The following GFRA2 variants were observed in gnomAD, a reference collection of about 807,000 sequenced individuals.
GFRA2 encodes the protein GDNF family receptor alpha-2.
A neutral mutation model predicts 48.3 loss-of-function variants in GFRA2; 17 were observed. The observed-to-expected ratio is 0.35, with a 90% CI of 0.24 to 0.53. The LOEUF is 0.53. GFRA2 is among the 20% of genes least tolerant of loss of function. GFRA2 has a pLI of 0.93. For synonymous variants in GFRA2, 305 were observed against 257.2 expected (o/e 1.19, Z -1.78); for missense variants, 660 against 637.3 (o/e 1.04, Z -0.38).
In GFRA2 at chr8:21,705,014, A is replaced by C. The variant is rs760303233; in HGVS notation, c.1016T>G (p.Leu339Arg). 1 of 1,610,932 alleles carries C rather than the reference A, an allele frequency of 6.2e-7. No homozygotes were observed. Among genetic ancestry groups the C allele is most frequent in the Admixed American group, 1.7e-5 (1 of 59,792 alleles). Residue 339 changes from leucine (L) to arginine (R), a missense_variant, in exon 6 of 9, where the codon CTC (leucine) becomes CGC (arginine). Physicochemically the swap from Leu to Arg is moderately radical, Grantham distance 102. Transcript: ENST00000524240. ...GNMEEECEKF[L>R]RDFTENPCLR... ...GCATGGGTTCTCGGTGAAGTCCCTG[A>C]GGAACTTCTCACACTCCTCCTCCAT... is the stretch of plus-strand genomic sequence containing the variant.
chr8:21,707,847 T>A (rs2117381014), intron 4 of GFRA2, among the ~76,000 whole-genome samples: 1 of 152,334 alleles, frequency 6.6e-6, no homozygotes, highest in African/African-American at 2.4e-5. Context: ...CATGGTGCAT[T>A]TTCTGTTATG....
At chr8:21,784,619 C>T (rs943348233) in intron 1 of GFRA2, among the ~76,000 whole-genome samples, 1 of 152,138 alleles carries the variant, frequency 6.6e-6, no homozygotes, top group Non-Finnish European at 1.5e-5. Flanking sequence ...GCCAGGAGAC[C>T]CATCCCTAGG....
intron 4 of GFRA2, among the ~76,000 whole-genome samples, chr8:21,739,136 C>T (rs1338323728): frequency 6.6e-6 from 1 of 152,180 alleles, no homozygotes; most frequent in Non-Finnish European, 1.5e-5. Context: ...GAGAATGTGT[C>T]TTGGACCAGG....
rs372062042 is a variant in GFRA2, at chr8:21,797,226, C to G, written c.-36+7791G>C. ...TCTTGTTTGACTCAGGGGCTGCATT[C>G]TACATCACAGATAACGCGGACAATT... is the stretch of plus-strand genomic sequence containing the variant. On this transcript the variant is annotated intron_variant, in intron 2 of 10. Transcript: ENST00000517328. Among the ~76,000 whole-genome samples the G allele has an allele frequency of 9.0e-3, 1,345 of 149,810 alleles. 19 individuals carry two copies. The highest frequency in any genetic ancestry group is 0.057 in the East Asian group (289 of 5,066).
At chr8:21,796,510 A>T (rs1417454476) in intron 2 of GFRA2, among the ~76,000 whole-genome samples, 2 of 152,218 alleles carry the variant, frequency 1.3e-5, no homozygotes, top group Non-Finnish European at 2.9e-5. Context: ...CGACTGCAGG[A>T]CCCAGAGGGC....
rs190742618 is a variant in GFRA2 at position 21,804,465 on chromosome 8, T to G, written c.-36+552A>C. ...AAAAAAAACAAACTGGTGCATTAGATATGCCCTAGGGATGATGCAAAGTTC... is the reference window on the plus strand; with the variant it reads ...AAAAAAAACAAACTGGTGCATTAGAGATGCCCTAGGGATGATGCAAAGTTC... On this transcript the variant is annotated intron_variant, in intron 2 of 10. Coordinates refer to the GFRA2 transcript ENST00000517328. Among the ~76,000 whole-genome samples, 236 of 150,374 alleles carry G rather than the reference T, an allele frequency of 1.6e-3. 1 individual carries two copies. The highest frequency in any genetic ancestry group is 5.4e-3 in the African/African-American group (220 of 41,024).
At chr8:21,701,575 T>C (rs955661699) in intron 7 of GFRA2, among the ~76,000 whole-genome samples, 2 of 152,154 alleles carry the variant, frequency 1.3e-5, no homozygotes, top group African/African-American at 2.4e-5. Context: ...TGACTTAGTC[T>C]GTAGGCCTCC....
intron 4 of GFRA2, among the ~76,000 whole-genome samples, chr8:21,725,794 G>A (rs1803839314): frequency 6.6e-6 from 1 of 152,170 alleles, no homozygotes; most frequent in African/African-American, 2.4e-5. Flanking sequence ...CAAGCCCAAG[G>A]CCCGCCGGTC....
chr8:21,788,045 C>A (rs1282101529), intron 1 of GFRA2, 75 bp downstream of exon 1: 2 of 662,862 alleles, frequency 3.0e-6, no homozygotes, highest in Non-Finnish European at 4.9e-6. Context: ...GCCAGCCCCC[C>A]ACCGGCGCTC....
chr8:21,802,363 C>G (rs940575023), intron 2 of GFRA2, among the ~76,000 whole-genome samples: 1 of 152,108 alleles, frequency 6.6e-6, no homozygotes, highest in East Asian at 1.9e-4. Flanking sequence ...CTTCTTCTTC[C>G]TCTTCTTTTG....
At chr8:21,763,948 G>A in intron 3 of GFRA2, among the ~76,000 whole-genome samples, 1 of 124,496 alleles carries the variant, frequency 8.0e-6, no homozygotes, top group African/African-American at 3.1e-5. Flanking sequence ...AGGTCACTAG[G>A]TAACACACAC....
chr8:21,807,771 T>C (rs889342868), intron 1 of GFRA2, among the ~76,000 whole-genome samples: 5 of 152,210 alleles, frequency 3.3e-5, no homozygotes, highest in Admixed American at 3.3e-4. Context: ...CAAGAAAGGA[T>C]ACTGGGAGTG....
At chr8:21,722,690 G>T (rs1285347959) in intron 4 of GFRA2, among the ~76,000 whole-genome samples, 1 of 152,150 alleles carries the variant, frequency 6.6e-6, no homozygotes, top group Non-Finnish European at 1.5e-5. Flanking sequence ...CACCCTCAGT[G>T]AAAGAGTCCC....
At chr8:21,753,582 G>A (rs1207228066) in intron 3 of GFRA2, among the ~76,000 whole-genome samples, 6 of 151,438 alleles carry the variant, frequency 4.0e-5, no homozygotes, top group Non-Finnish European at 5.9e-5. Context: ...TCACACCATT[G>A]CACACCAGAG....
intron 2 of GFRA2, among the ~76,000 whole-genome samples, chr8:21,778,495 G>A (rs2117723274): frequency 6.6e-6 from 1 of 152,372 alleles, no homozygotes; most frequent in Middle Eastern, 3.4e-3. Context: ...CTGCTGGCCA[G>A]CACAGGGAAC....
At chr8:21,775,365 C>A (rs1806643842) in intron 2 of GFRA2, among the ~76,000 whole-genome samples, 1 of 152,232 alleles carries the variant, frequency 6.6e-6, no homozygotes. Context: ...GAAGGACTTG[C>A]AGGTGCATCT....
chr8:21,747,696 T>C (rs1161027537), intron 4 of GFRA2, among the ~76,000 whole-genome samples: 3 of 151,404 alleles, frequency 2.0e-5, no homozygotes, highest in Non-Finnish European at 4.4e-5. Context: ...AGGTGGTTTG[T>C]ACCCAATGCC....
intron 5 of GFRA2, 147 bp downstream of exon 5, chr8:21,705,785 T>C: frequency 1.6e-6 from 1 of 607,386 alleles, no homozygotes; most frequent in Non-Finnish European, 2.9e-6. Flanking sequence ...TCCCCTGGTT[T>C]CCCCTCGCAG....
intron 4 of GFRA2, among the ~76,000 whole-genome samples, chr8:21,707,788 G>T (rs191990705): frequency 6.6e-6 from 1 of 152,328 alleles, no homozygotes; most frequent in East Asian, 1.9e-4. Flanking sequence ...TGGCAGTGAA[G>T]GTTCCGGAAC....
Sources: gnomAD v4.1 joint callset for allele counts (sites outside exome capture counted in the v4.1 genomes callset) on GRCh38, gnomAD v4.1.1 for gene constraint, MANE v1.5 for transcripts, NCBI Gene and HGNC (gene_info 2026-07-23, HGNC 2026-07-21) for gene names.